CALN1: variants seen among roughly 807,000 people sequenced by gnomAD.
CALN1 encodes the protein calcium-binding protein 8.
A neutral mutation model predicts 30.6 loss-of-function variants in CALN1; 17 were observed. The ratio of observed to expected loss-of-function variants is 0.56; its 90% CI spans 0.38 to 0.83. The LOEUF (loss-of-function observed/expected upper bound fraction) is 0.83. Ranked by LOEUF, CALN1 falls within the 40% of genes least tolerant of loss-of-function variation. CALN1 has a pLI of 0.00. For missense variants in CALN1, 291 were observed against 354.9 expected, an observed-to-expected ratio of 0.82 and a Z score of 1.45; for synonymous variants, 156 against 131.4, an observed-to-expected ratio of 1.19 and a Z score of -1.28.
the CALN1 span, among the ~76,000 whole-genome samples, chr7:72,454,465 G>C: frequency 5.9e-5 from 9 of 152,144 alleles, no homozygotes; most frequent in Admixed American, 5.9e-4. Context: ...TCAATAAAGT[G>C]ACCAGTTTTG....
At chr7:72,188,040 C>A (rs891429889) in intron 3 of CALN1, among the ~76,000 whole-genome samples, 2 of 152,098 alleles carry the variant, frequency 1.3e-5, no homozygotes, top group Non-Finnish European at 2.9e-5. Context: ...TAAACTAGGA[C>A]GGCCACTATG....
At chr7:72,141,807 G>A (rs1046678597) in intron 3 of CALN1, among the ~76,000 whole-genome samples, 2 of 152,232 alleles carry the variant, frequency 1.3e-5, no homozygotes, top group Middle Eastern at 6.8e-3. Flanking sequence ...GACCTCAGGT[G>A]ATCCTCCCAT....
At chr7:72,091,893 T>C (rs771040607) in intron 4 of CALN1, among the ~76,000 whole-genome samples, 9 of 152,228 alleles carry the variant, frequency 5.9e-5, no homozygotes, top group African/African-American at 1.9e-4. Context: ...AAATATAACA[T>C]GGCTATGAGC....
intron 3 of CALN1, among the ~76,000 whole-genome samples, chr7:72,278,472 T>TACACACACACATACACACAC (rs1797502419): frequency 6.9e-6 from 1 of 143,982 alleles, no homozygotes; most frequent in African/African-American, 2.6e-5. Flanking sequence ...ATCAGGTCTG[T>TACACACACACATACACACAC]ACACACACAC....
the CALN1 span, among the ~76,000 whole-genome samples, chr7:72,468,756 G>A: frequency 6.6e-5 from 10 of 151,976 alleles, no homozygotes; most frequent in Admixed American, 4.6e-4. Flanking sequence ...CCATCATAGC[G>A]GCTATGAAGT....
At chr7:72,449,379 G>T (rs1334730264), upstream of CALN1, among the ~76,000 whole-genome samples, 1 of 152,182 alleles carries the variant, frequency 6.6e-6, no homozygotes, top group Non-Finnish European at 1.5e-5. Context: ...CAATCTCCCA[G>T]ATCCTAGCCA....
At chr7:72,133,118 C>T (rs897366231) in intron 3 of CALN1, among the ~76,000 whole-genome samples, 8 of 152,210 alleles carry the variant, frequency 5.3e-5, no homozygotes, top group South Asian at 2.1e-4. Flanking sequence ...CACCAGACCC[C>T]GGTGCCAAAA....
chr7:71,946,488 C>T (rs1796413636), intron 5 of CALN1, among the ~76,000 whole-genome samples: 1 of 151,726 alleles, frequency 6.6e-6, no homozygotes, highest in Admixed American at 6.6e-5. Flanking sequence ...CTGCCTCAGC[C>T]TCTCGAGTAG....
upstream of CALN1, among the ~76,000 whole-genome samples, chr7:72,415,340 A>G (rs1807388571): frequency 6.6e-6 from 1 of 152,224 alleles, no homozygotes; most frequent in African/African-American, 2.4e-5. Context: ...TGCCAGCTCA[A>G]ATGCCTACAG....
intron 4 of CALN1, among the ~76,000 whole-genome samples, chr7:72,026,301 G>A (rs1584771677): frequency 6.6e-6 from 1 of 152,000 alleles, no homozygotes. Context: ...CAAAATAGAG[G>A]GGGGTTGGGT....
At chr7:72,231,419 TA>T (rs1040467498) in intron 3 of CALN1, among the ~76,000 whole-genome samples, 1 of 152,208 alleles carries the variant, frequency 6.6e-6, no homozygotes, top group Non-Finnish European at 1.5e-5. Flanking sequence ...CTGCTGAGGA[TA>T]ACGGCTTCCA....
intron 6 of CALN1, among the ~76,000 whole-genome samples, chr7:71,790,368 A>AAAAGAAAGAAAGAAAG (rs66616944): frequency 5.6e-4 from 69 of 123,794 alleles, no homozygotes; most frequent in African/African-American, 1.6e-3. Context: ...AGAAAGAAAG[A>AAAAGAAAGAAAGAAAG]AAAGAAAGAA....
chr7:72,065,657 C>T (rs957164044), intron 4 of CALN1, among the ~76,000 whole-genome samples: 5 of 152,018 alleles, frequency 3.3e-5, no homozygotes, highest in South Asian at 2.1e-4. Flanking sequence ...AGGACCGAAC[C>T]CCACGCTTCA....
At chr7:72,503,732 C>G in the CALN1 span, among the ~76,000 whole-genome samples, 1 of 152,124 alleles carries the variant, frequency 6.6e-6, no homozygotes, top group African/African-American at 2.4e-5. Flanking sequence ...GATCTCCTCT[C>G]CAGCACCTGG....
At chr7:72,379,878 G>A (rs765686916) in intron 2 of CALN1, among the ~76,000 whole-genome samples, 7 of 152,212 alleles carry the variant, frequency 4.6e-5, no homozygotes, top group African/African-American at 7.2e-5. Context: ...CCAGGTGCAT[G>A]AGAATATTTT....
chr7:72,494,680 G>A, the CALN1 span, among the ~76,000 whole-genome samples: 2 of 150,172 alleles, frequency 1.3e-5, no homozygotes, highest in Non-Finnish European at 3.0e-5. Context: ...GCAATATAGC[G>A]AGACCCCATC....
the CALN1 span, among the ~76,000 whole-genome samples, chr7:72,498,137 TAA>T: frequency 6.6e-6 from 1 of 152,112 alleles, no homozygotes; most frequent in Non-Finnish European, 1.5e-5. Context: ...TATCCAAAAG[TAA>T]TCCAATGTAT....
intron 5 of CALN1, among the ~76,000 whole-genome samples, chr7:71,998,828 T>A (rs1584713970): frequency 6.6e-6 from 1 of 152,180 alleles, no homozygotes; most frequent in Non-Finnish European, 1.5e-5. Context: ...AGTGCTGGGA[T>A]TGCAGGTGTG....
chr7:72,435,889 T>C (rs1312169662), intron 1 of CALN1, among the ~76,000 whole-genome samples: 2 of 152,148 alleles, frequency 1.3e-5, no homozygotes, highest in Non-Finnish European at 2.9e-5. Flanking sequence ...ATGCTCTGAG[T>C]GCCAAGATAA....
Sources: allele counts gnomAD v4.1 joint callset (sites outside exome capture counted in the v4.1 genomes callset), GRCh38; gene constraint gnomAD v4.1.1; transcripts MANE v1.5; gene names NCBI Gene and HGNC (gene_info 2026-07-23, HGNC 2026-07-21).